ITGBL1: variants seen among roughly 807,000 people sequenced by gnomAD.
ITGBL1 encodes integrin subunit beta like 1.
Under a neutral mutation model 68.5 loss-of-function variants are expected in ITGBL1, and 51 were observed. The observed-to-expected ratio is 0.74, with a 90% confidence interval of 0.59 to 0.94. ITGBL1 has a LOEUF of 0.94. ITGBL1 is among the 40% of genes least tolerant of loss of function. The pLI is 0.00. For missense variants in ITGBL1, 649 were observed against 647.4 expected (o/e 1.00, Z -0.03); for synonymous variants, 209 against 227.3 (o/e 0.92, Z 0.72).
Position 101,565,056 on chromosome 13 carries a change from C to T in ITGBL1, c.317-2643C>T, listed in dbSNP as rs759421413. 2.6e-5 allele frequency among the ~76,000 whole-genome samples: 4 copies of T among 151,968 alleles called. No individual in the cohort carries two copies. The East Asian group carries it at 5.8e-4, about 22-fold the overall frequency. ...TCAGGTCCTCCAGAACTAACCAACC[C>T]GATTTCAGGTTCCAGTCTTCATCAC... On this transcript the variant is annotated intron_variant, in intron 2 of 10. Transcript: ENST00000376180.
At chr13:101,692,117 A>G (rs2033894647) in intron 7 of ITGBL1, among the ~76,000 whole-genome samples, 1 of 152,204 alleles carries the variant, frequency 6.6e-6, no homozygotes, top group Non-Finnish European at 1.5e-5. Flanking sequence ...ACAAATAGTC[A>G]CTAAAATAGC....
chr13:101,508,538 G>A (rs1406135345), intron 2 of ITGBL1, among the ~76,000 whole-genome samples: 1 of 151,986 alleles, frequency 6.6e-6, no homozygotes, highest in East Asian at 1.9e-4. Context: ...ATCATCACTG[G>A]AATTGAATAT....
At chr13:101,705,202 C>T (rs1280019243) in intron 8 of ITGBL1, among the ~76,000 whole-genome samples, 1 of 148,740 alleles carries the variant, frequency 6.7e-6, no homozygotes, top group Non-Finnish European at 1.5e-5. Flanking sequence ...CCCAGACCTT[C>T]TCTGGCTGTT....
intron 2 of ITGBL1, among the ~76,000 whole-genome samples, chr13:101,535,133 T>A (rs886137388): frequency 4.6e-5 from 7 of 152,136 alleles, no homozygotes; most frequent in African/African-American, 1.4e-4. Flanking sequence ...TCTGCTGTCA[T>A]TGGCCCTTAG....
intron 8 of ITGBL1, among the ~76,000 whole-genome samples, chr13:101,701,407 C>T (rs1049047923): frequency 1.3e-5 from 2 of 152,094 alleles, no homozygotes; most frequent in African/African-American, 4.8e-5. Context: ...GTGGCACATG[C>T]CTGTAATCCC....
intron 7 of ITGBL1, among the ~76,000 whole-genome samples, chr13:101,633,111 T>C (rs1375080531): frequency 1.3e-5 from 2 of 152,208 alleles, no homozygotes; most frequent in African/African-American, 4.8e-5. Flanking sequence ...AAAGAATGTA[T>C]TTTCACAATT....
chr13:101,532,976 T>C (rs1055722739), intron 2 of ITGBL1, among the ~76,000 whole-genome samples: 2 of 152,174 alleles, frequency 1.3e-5, no homozygotes, highest in Admixed American at 6.5e-5. Flanking sequence ...TGGCTGCATA[T>C]TAAAATCAAC....
intron 2 of ITGBL1, among the ~76,000 whole-genome samples, chr13:101,493,933 A>G (rs1467828914): frequency 6.6e-6 from 1 of 152,212 alleles, no homozygotes; most frequent in African/African-American, 2.4e-5. Context: ...TTAGATTTAT[A>G]TAGACATTTT....
At chr13:101,514,905 C>T (rs755332462) in intron 2 of ITGBL1, among the ~76,000 whole-genome samples, 9 of 152,024 alleles carry the variant, frequency 5.9e-5, no homozygotes, top group Non-Finnish European at 1.3e-4. Context: ...TTAATATTGG[C>T]CACCAGAGGG....
intron 2 of ITGBL1, among the ~76,000 whole-genome samples, chr13:101,481,442 A>G (rs768238881): frequency 2.0e-5 from 3 of 152,072 alleles, no homozygotes; most frequent in Non-Finnish European, 2.9e-5. Context: ...GTGATATTAT[A>G]GAACTGACAG....
At chr13:101,673,100 A>G (rs1005495531) in intron 7 of ITGBL1, among the ~76,000 whole-genome samples, 10 of 152,172 alleles carry the variant, frequency 6.6e-5, no homozygotes, top group East Asian at 1.9e-4. Flanking sequence ...GAAGTTGACA[A>G]TTTCATGCTG....
downstream of ITGBL1, chr13:101,718,042 A>G (rs1566807541): frequency 6.6e-6 from 1 of 152,146 alleles, no homozygotes; most frequent in Non-Finnish European, 1.5e-5. Flanking sequence ...TCAAAATGTG[A>G]TTCATCTAAA....
At chr13:101,647,575 T>G (rs2032602200) in intron 7 of ITGBL1, among the ~76,000 whole-genome samples, 1 of 152,150 alleles carries the variant, frequency 6.6e-6, no homozygotes, top group African/African-American at 2.4e-5. Flanking sequence ...AAGAAGCTGA[T>G]TTGGGTGTGC....
At chr13:101,554,627 A>G (rs934586446) in intron 2 of ITGBL1, among the ~76,000 whole-genome samples, 1 of 152,210 alleles carries the variant, frequency 6.6e-6, no homozygotes, top group Non-Finnish European at 1.5e-5. Flanking sequence ...AACAGCCACA[A>G]GTGCCTTATT....
At chr13:101,708,208 C>T (rs1416887341) in intron 9 of ITGBL1, among the ~76,000 whole-genome samples, 1 of 152,178 alleles carries the variant, frequency 6.6e-6, no homozygotes, top group Non-Finnish European at 1.5e-5. Flanking sequence ...ATGGCATCAT[C>T]TAGAAAGCTG....
At chr13:101,478,550 T>C (rs2048570243) in intron 2 of ITGBL1, among the ~76,000 whole-genome samples, 1 of 152,072 alleles carries the variant, frequency 6.6e-6, no homozygotes, top group African/African-American at 2.4e-5. Flanking sequence ...TTATCCTTGT[T>C]TGCAGATGAT....
intron 2 of ITGBL1, among the ~76,000 whole-genome samples, chr13:101,507,098 G>A (rs1430923868): frequency 2.0e-5 from 3 of 152,122 alleles, no homozygotes; most frequent in East Asian, 1.9e-4. Context: ...CCTTCTCCAC[G>A]CCCCAGTAAA....
chr13:101,657,549 G>A (rs1240889290), intron 7 of ITGBL1, among the ~76,000 whole-genome samples: 1 of 152,026 alleles, frequency 6.6e-6, no homozygotes, highest in Admixed American at 6.6e-5. Flanking sequence ...TTACATTTGA[G>A]TCTCTTTACA....
downstream of ITGBL1, chr13:101,718,061 C>G (rs925188849): frequency 2.0e-5 from 3 of 151,990 alleles, no homozygotes; most frequent in Non-Finnish European, 4.4e-5. Flanking sequence ...AAATTTTGGA[C>G]AAAGATGAAA....
Sources: allele counts gnomAD v4.1 joint callset (sites outside exome capture counted in the v4.1 genomes callset), GRCh38; gene constraint gnomAD v4.1.1; transcripts MANE v1.5; gene names NCBI Gene and HGNC (gene_info 2026-07-23, HGNC 2026-07-21).